ENPEP: variants seen among roughly 807,000 people sequenced by gnomAD.
ENPEP encodes glutamyl aminopeptidase.
Under a neutral mutation model 114.5 loss-of-function variants are expected in ENPEP, and 103 were observed. The ratio of observed to expected loss-of-function variants is 0.90; its 90% CI spans 0.77 to 1.06. The LOEUF is 1.06. Ranked by LOEUF, ENPEP falls within the 50% of genes least tolerant of loss-of-function variation. The probability of loss-of-function intolerance (pLI) is 0.00; values close to 1 mark genes in which losing one functional copy is unlikely to be tolerated. For synonymous variants in ENPEP, 420 were observed against 422.0 expected (o/e 1.00, Z 0.06); for missense variants, 1,196 against 1,161.3 (o/e 1.03, Z -0.43).
chr4:110,509,696 C>A lies in ENPEP; in HGVS notation c.1083C>A (p.Asn361Lys), dbSNP rs760534405. The A allele has an allele frequency of 3.0e-5, 48 of 1,614,034 alleles. No homozygotes were observed. Among genetic ancestry groups the A allele is most frequent in the Non-Finnish European group, 3.8e-5 (45 of 1,180,034 alleles). ...IPDFGTGAME[N>K]WGLITYRETN... ...ATTTTGGCACTGGTGCCATGGAGAA[C>A]TGGGGACTCATCACGTACAGAGAAA... Residue 361 changes from asparagine to lysine, a missense_variant, in exon 5 of 20, where the codon AAC becomes AAA. Asn to Lys is a moderately conservative substitution (Grantham distance 94). Coordinates refer to ENST00000265162, the MANE Select transcript of ENPEP (RefSeq NM_001977.4).
Position 110,548,308 on chromosome 4 carries a change from G to A in ENPEP, c.2133G>A (p.Glu711=). Residue 711 remains glutamate, a synonymous_variant, in exon 14 of 20, where the codon GAG becomes GAA. Transcript: ENST00000265162. ...TTAGCATGTTTGAAGATGATAAAGA[G>A]CTATATCCTATGATTGAGGTGACGT... is the stretch of plus-strand genomic sequence containing the variant. ...YIISMFEDDK[E]LYPMIEEYFQ... The A allele has an allele frequency of 1.9e-6, 3 of 1,592,438 alleles. No homozygotes were observed. Among genetic ancestry groups the A allele is most frequent in the Non-Finnish European group, 2.6e-6 (3 of 1,170,686 alleles).
rs372585981 is a variant in ENPEP at position 110,523,273 on chromosome 4, T to C, written c.1727+2907T>C. Among the ~76,000 whole-genome samples, 10 of 152,334 alleles carry C rather than the reference T, an allele frequency of 6.6e-5. No homozygotes were observed. The East Asian group carries it at 1.9e-3, about 29-fold the overall frequency. On this transcript the variant is annotated intron_variant, in intron 10 of 19. Coordinates refer to ENST00000265162, the MANE Select transcript of ENPEP (RefSeq NM_001977.4). ...GTTCTCACAAGATCTGATGGTTTTA[T>C]AAGGCCATTTTCCCTGCTCTTGCTT...
rs539942054 is a variant in ENPEP at position 110,496,358 on chromosome 4, C to A, written c.918+5194C>A. Among the ~76,000 whole-genome samples the A allele has an allele frequency of 1.2e-3, 184 of 152,182 alleles. 2 individuals are homozygous for A. The highest frequency in any genetic ancestry group is 4.2e-3 in the African/African-American group (175 of 41,544). On this transcript the variant is annotated intron_variant, in intron 3 of 19. Transcript: ENST00000265162. ...TGCTCAGAGATATATTTTTAAACTT[C>A]TTATTTTGAAATAATTTTAGATTTA...
At position 110,499,134 on chromosome 4, in the gene ENPEP, C is replaced by T. The variant is rs144731010; in HGVS notation, c.919-7503C>T. Among the ~76,000 whole-genome samples, 480 of 152,172 alleles carry T rather than the reference C, an allele frequency of 3.2e-3. 8 individuals are homozygous for T. The highest frequency in any genetic ancestry group is 3.3e-3 in the East Asian group (17 of 5,188). On this transcript the variant is annotated intron_variant, in intron 3 of 19. Transcript: ENST00000265162. The stretch of plus-strand genomic sequence containing the variant: ...ATGTTCTTACTGGCAATGTGGACAC[C>T]ATAGTGTAAGTATCAATCACATATA...
chr4:110,547,127 C>G (rs1422606373), intron 13 of ENPEP, among the ~76,000 whole-genome samples: 1 of 152,042 alleles, frequency 6.6e-6, no homozygotes, highest in African/African-American at 2.4e-5. Flanking sequence ...CCCAACCTTC[C>G]TAGGTGCCTT....
intron 18 of ENPEP, among the ~76,000 whole-genome samples, chr4:110,558,032 A>ATTTTTTTTTTTTTTTT (rs201439917): frequency 3.9e-5 from 4 of 103,210 alleles, no homozygotes; most frequent in Admixed American, 1.2e-4. Flanking sequence ...ATATGGTAGG[A>ATTTTTTTTTTTTTTTT]TTTTTTTTTT....
At chr4:110,503,086 G>A (rs1384299135) in intron 3 of ENPEP, among the ~76,000 whole-genome samples, 2 of 152,050 alleles carry the variant, frequency 1.3e-5, no homozygotes, top group East Asian at 3.9e-4. Flanking sequence ...CCTGGTGTGT[G>A]ATGTTCTCCT....
In ENPEP at chr4:110,561,485, A is replaced by G; in HGVS notation, c.2801A>G (p.Asn934Ser). 6.2e-7 allele frequency: 1 copy of G among 1,614,110 alleles called. No homozygotes were observed. Among genetic ancestry groups the G allele is most frequent in the Non-Finnish European group, 8.5e-7 (1 of 1,179,980 alleles). Residue 934 changes from asparagine to serine, a missense_variant, in exon 20 of 20, where the codon AAC (asparagine) becomes AGC (serine). Asn to Ser is a conservative substitution (Grantham distance 46, BLOSUM62 1). Coordinates refer to ENST00000265162, the MANE Select transcript of ENPEP (RefSeq NM_001977.4). ...GAACAAGTGCTGGAAACAGTGAAAAACAATATAGAGTGGCTAAAACAACAT... is the reference window on the plus strand; with the variant it reads ...GAACAAGTGCTGGAAACAGTGAAAAGCAATATAGAGTGGCTAAAACAACAT... ...PREQVLETVK[N>S]NIEWLKQHRN... is the part of the protein sequence containing the mutation.
At chr4:110,480,424 A>G (rs1207664732) in intron 1 of ENPEP, among the ~76,000 whole-genome samples, 1 of 152,190 alleles carries the variant, frequency 6.6e-6, no homozygotes, top group Admixed American at 6.5e-5. Flanking sequence ...CACTGGGGGC[A>G]GTGCCTTTCT....
intron 11 of ENPEP, among the ~76,000 whole-genome samples, chr4:110,536,654 T>C (rs1432445837): frequency 1.3e-5 from 2 of 152,206 alleles, no homozygotes; most frequent in African/African-American, 2.4e-5. Context: ...CTGAAACACA[T>C]GTTCCAGCTC....
rs769170216 is a variant in ENPEP, at chr4:110,509,664, A to C, written c.1051A>C (p.Ile351Leu). The C allele has an allele frequency of 1.1e-5, 18 of 1,612,326 alleles. No individual in the cohort carries two copies. The highest frequency in any genetic ancestry group is 1.5e-5 in the Non-Finnish European group (18 of 1,179,636). Residue 351 changes from isoleucine to leucine, a missense_variant, in exon 5 of 20, where the codon ATT (isoleucine) becomes CTT (leucine). Ile to Leu is a conservative substitution (Grantham distance 5). Transcript: ENST00000265162. ...TTCTTCTTCTATAGATAAAATCGCTATTCCAGATTTTGGCACTGGTGCCAT... is the reference window on the plus strand; with the variant it reads ...TTCTTCTTCTATAGATAAAATCGCTCTTCCAGATTTTGGCACTGGTGCCAT... Reference protein sequence around the residue: ...YSLPKLDKIAIPDFGTGAMEN... With the variant: ...YSLPKLDKIALPDFGTGAMEN...
chr4:110,512,571 A>G (rs931263997), intron 6 of ENPEP: 2 of 152,242 alleles, frequency 1.3e-5, no homozygotes, highest in African/African-American at 4.8e-5. Context: ...AAATATTTTT[A>G]ATTAAGTAGA....
intron 11 of ENPEP, among the ~76,000 whole-genome samples, chr4:110,536,484 TTC>T (rs1346000103): frequency 6.6e-6 from 1 of 152,230 alleles, no homozygotes; most frequent in African/African-American, 2.4e-5. Flanking sequence ...CATCTATTAC[TTC>T]TGCCCACATT....
At position 110,561,432 on chromosome 4, in the gene ENPEP, A is replaced by G. The variant is rs755185926; in HGVS notation, c.2748A>G (p.Pro916=). The part of the protein sequence containing the change: ...WQMESFFAKY[P]QAGAGEKPRE... The stretch of plus-strand genomic sequence containing the variant: ...TGGAGAGCTTTTTTGCAAAATATCC[A>G]CAAGCTGGAGCAGGAGAAAAACCTA... Residue 916 remains proline (P), a synonymous_variant, in exon 20 of 20, where the codon CCA becomes CCG. Transcript: ENST00000265162. 2.5e-6 allele frequency: 4 copies of G among 1,613,986 alleles called. No individual in the cohort carries two copies. The highest frequency in any genetic ancestry group is 1.7e-5 in the Admixed American group (1 of 59,986).
chr4:110,508,821 A>G (rs1039369887), intron 4 of ENPEP, among the ~76,000 whole-genome samples: 19 of 152,376 alleles, frequency 1.2e-4, no homozygotes, highest in East Asian at 1.2e-3. Context: ...AAAAAAAAAG[A>G]AAGAATATTT....
At chr4:110,552,142 G>A (rs1253643309) in intron 17 of ENPEP, among the ~76,000 whole-genome samples, 1 of 152,152 alleles carries the variant, frequency 6.6e-6, no homozygotes, top group Non-Finnish European at 1.5e-5. Context: ...GGACCCACAA[G>A]TCGAAGGAAC....
intron 7 of ENPEP, among the ~76,000 whole-genome samples, chr4:110,515,046 AT>A (rs1578403219): frequency 6.6e-6 from 1 of 152,034 alleles, no homozygotes. Context: ...AAAGAATGTG[AT>A]TTTTTAGACT....
rs565555606 is a variant in ENPEP at position 110,491,271 on chromosome 4, A to G, written c.918+107A>G. 75 of 1,103,470 alleles carry G rather than the reference A, an allele frequency of 6.8e-5. No individual in the cohort carries two copies. In the African/African-American group the frequency reaches 1.0e-3, roughly 15 times the overall value. 68.4% of individuals were successfully genotyped at this position (1,103,470 alleles called of 1,614,324 possible). The stretch of plus-strand genomic sequence containing the variant: ...TTTTTTTCAAACAACATGCCTGAAA[A>G]GCCCTTTAGTCCCCAGGGTCTGTGG... On this transcript the variant is annotated intron_variant, in intron 3 of 19. Transcript: ENST00000265162.
intron 11 of ENPEP, among the ~76,000 whole-genome samples, chr4:110,541,991 T>A (rs184937266): frequency 6.6e-6 from 1 of 152,148 alleles, no homozygotes; most frequent in Non-Finnish European, 1.5e-5. Context: ...CTAAAATCTA[T>A]ACAATAGAGC....
Sources: gnomAD v4.1 joint callset for allele counts (sites outside exome capture counted in the v4.1 genomes callset) on GRCh38, gnomAD v4.1.1 for gene constraint, MANE v1.5 for transcripts, NCBI Gene and HGNC (gene_info 2026-07-23, HGNC 2026-07-21) for gene names.